The following PIGW variants were observed in gnomAD, a reference collection of about 807,000 sequenced individuals.
The protein encoded by PIGW is phosphatidylinositol glycan anchor biosynthesis class W, also known as glucosaminyl-phosphatidylinositol-acyltransferase PIGW.
Under a neutral mutation model 34.0 loss-of-function variants are expected in PIGW, and 23 were observed. That is an observed-to-expected ratio of 0.68 (90% CI 0.49 to 0.96). PIGW has a LOEUF of 0.96. Among genes scored for constraint, PIGW ranks in the 40% least tolerant of loss-of-function variants. PIGW has a pLI of 0.00. For synonymous variants in PIGW, 225 were observed against 225.2 expected (o/e 1.00, Z 0.01); for missense variants, 574 against 586.3 (o/e 0.98, Z 0.22).
In PIGW at chr17:36,537,595, G is replaced by A; in HGVS notation, c.494G>A (p.Gly165Glu). 1 of 1,614,116 alleles carries A rather than the reference G, an allele frequency of 6.2e-7. No individual in the cohort carries two copies. Among genetic ancestry groups the A allele is most frequent in the Non-Finnish European group, 8.5e-7 (1 of 1,180,038 alleles). The change falls in exon 2 of 2, where the codon GGA (glycine) becomes GAA (glutamate). Residue 165 changes from glycine (G) to glutamate (E), a missense_variant. Transcript: ENST00000614443. ...GCCAAAACTGAGCTCTATGGGACAG[G>A]AGCAATGGATTTTGGAGTAGGTGGC... The part of the protein sequence containing the change: ...RFAKTELYGT[G>E]AMDFGVGGFV...
At position 36,538,811 on chromosome 17, in the gene PIGW, T is replaced by A; in HGVS notation, c.*195T>A. ...CTCTGTTACCCAGGCTGGAGTGTAG[T>A]GGTGCCATCTCAGCTCACTGCAACC... On this transcript the variant is annotated 3_prime_UTR_variant, in exon 2 of 2. Transcript: ENST00000614443. 1 of 535,772 alleles carries A rather than the reference T, an allele frequency of 1.9e-6. No individual in the cohort carries two copies. The allele number at this position is 535,772 out of a possible 1,614,324, so 33.2% of individuals were successfully genotyped here.
In PIGW at chr17:36,538,007, C is replaced by T. The variant is rs201897072; in HGVS notation, c.906C>T (p.Asn302=). Residue 302 remains asparagine (N), a synonymous_variant, in exon 2 of 2, where the codon AAC becomes AAT. Coordinates refer to ENST00000614443, the MANE Select transcript of PIGW (RefSeq NM_001346754.2). ...CACGGGTTGGTCTATTAAATGCCAA[C>T]CGCGAAGGAATAATCTCTACCCTGG... ...SGTRVGLLNA[N]REGIISTLGY... The T allele has an allele frequency of 4.1e-5, 66 of 1,613,996 alleles. No individual in the cohort carries two copies. In the East Asian group the frequency reaches 1.4e-3, roughly 34 times the overall value.
In PIGW at chr17:36,535,546, G is replaced by C. The variant is rs1313902132; in HGVS notation, c.-55G>C. ...TGGCGGGTGCAGCGGCAGTCCGGCTGCCCTTCCCACGTAGACCGTCTGCTG... is the reference window on the plus strand; with the variant it reads ...TGGCGGGTGCAGCGGCAGTCCGGCTCCCCTTCCCACGTAGACCGTCTGCTG... On this transcript the variant is annotated 5_prime_UTR_variant, in exon 1 of 2. Coordinates refer to ENST00000614443, the MANE Select transcript of PIGW (RefSeq NM_001346754.2). 6.6e-6 allele frequency: 1 copy of C among 152,276 alleles called. No individual in the cohort carries two copies. Among genetic ancestry groups the C allele is most frequent in the Non-Finnish European group, 1.5e-5 (1 of 68,058 alleles). 9.4% of individuals were successfully genotyped at this position (152,276 alleles called of 1,614,324 possible).
chr17:36,537,347 GCTT>G lies in PIGW; in HGVS notation c.249_251del (p.Leu84del). On this transcript the variant is annotated inframe_deletion, in exon 2 of 2. Coordinates refer to ENST00000614443, the MANE Select transcript of PIGW (RefSeq NM_001346754.2). ...TTTGGGCTTCATTTATCCTCCTTGA[GCTT>G]CTCGGTGTAATTATCTTTGGGGCAG... 6.2e-7 allele frequency: 1 copy of G among 1,613,808 alleles called. No individual in the cohort carries two copies. Among genetic ancestry groups the G allele is most frequent in the South Asian group, 1.1e-5 (1 of 91,062 alleles).
rs1248845388 is a variant in PIGW at position 36,537,419 on chromosome 17, A to T, written c.318A>T (p.Arg106Ser). The T allele has an allele frequency of 1.2e-6, 2 of 1,614,096 alleles. No individual in the cohort carries two copies. The highest frequency in any genetic ancestry group is 1.7e-6 in the Non-Finnish European group (2 of 1,180,014). ...QIYRRRTCYA[R>S]LPFLKILEKF... ...ACCGAAGGAGGACCTGCTATGCCAG[A>T]CTGCCTTTCCTAAAAATCCTTGAAA... Residue 106 changes from arginine to serine, a missense_variant, in exon 2 of 2, where the codon AGA becomes AGT. By Grantham distance (110) the Arg-to-Ser change is moderately radical (BLOSUM62 -1). Coordinates refer to ENST00000614443, the MANE Select transcript of PIGW (RefSeq NM_001346754.2).
At position 36,538,055 on chromosome 17, in the gene PIGW, T is replaced by C; in HGVS notation, c.954T>C (p.Ala318=). 6.2e-7 allele frequency: 1 copy of C among 1,614,152 alleles called. No individual in the cohort carries two copies. Among genetic ancestry groups the C allele is most frequent in the East Asian group, 2.2e-5 (1 of 44,884 alleles). Residue 318 remains alanine, a synonymous_variant, in exon 2 of 2, where the codon GCT becomes GCC. Coordinates refer to ENST00000614443, the MANE Select transcript of PIGW (RefSeq NM_001346754.2). ...TGGGGTATGTGGCAATACACATGGC[T>C]GGTGTGCAAACAGGGTTATATATGC... is the stretch of plus-strand genomic sequence containing the variant. ...STLGYVAIHM[A]GVQTGLYMHK... is the part of the protein sequence containing the mutation.
chr17:36,538,845 C>T lies in PIGW; in HGVS notation c.*229C>T. On this transcript the variant is annotated 3_prime_UTR_variant, in exon 2 of 2. Coordinates refer to ENST00000614443, the MANE Select transcript of PIGW (RefSeq NM_001346754.2). ...CTCAGCTCACTGCAACCTCCACCTC[C>T]CGGGTTCAAGCAATTCTCCTGCCTC... 1 of 418,262 alleles carries T rather than the reference C, an allele frequency of 2.4e-6. No individual in the cohort carries two copies. Among genetic ancestry groups the T allele is most frequent in the Non-Finnish European group, 4.4e-6 (1 of 228,690 alleles). The allele number at this position is 418,262 out of a possible 1,614,324, so 25.9% of individuals were successfully genotyped here.
intron 1 of PIGW, 64 bp from the exon 2 acceptor site, chr17:36,537,030 G>C: frequency 7.2e-7 from 1 of 1,384,088 alleles, no homozygotes; most frequent in East Asian, 2.3e-5. Context: ...AATTAAGCCA[G>C]GTATGCTAAT....
chr17:36,537,021 A>G, intron 1 of PIGW, 73 bp from the exon 2 acceptor site: 4 of 1,340,004 alleles, frequency 3.0e-6, no homozygotes. Flanking sequence ...TAAGAGTAAA[A>G]TTAAGCCAGG....
Position 36,537,584 on chromosome 17 carries a change from C to T in PIGW, c.483C>T (p.Leu161=). ...LFPRRFAKTE[L]YGTGAMDFGV... is the part of the protein sequence containing the mutation. ...CCAGAAGATTTGCCAAAACTGAGCT[C>T]TATGGGACAGGAGCAATGGATTTTG... is the stretch of plus-strand genomic sequence containing the variant. Residue 161 remains leucine, a synonymous_variant, in exon 2 of 2, where the codon CTC becomes CTT. Coordinates refer to ENST00000614443, the MANE Select transcript of PIGW (RefSeq NM_001346754.2). 6.2e-7 allele frequency: 1 copy of T among 1,613,996 alleles called. No individual in the cohort carries two copies. The highest frequency in any genetic ancestry group is 8.5e-7 in the Non-Finnish European group (1 of 1,180,032).
Position 36,537,458 on chromosome 17 carries a change from C to T in PIGW, c.357C>T (p.Ile119=). ...FLKILEKFLN[I]SLESEYNPAI... is the part of the protein sequence containing the mutation. Reference sequence around the variant, plus strand: ...AAATCCTTGAAAAATTCTTGAACATCAGTCTAGAATCAGAATACAATCCAG... The same window carrying T: ...AAATCCTTGAAAAATTCTTGAACATTAGTCTAGAATCAGAATACAATCCAG... The change falls in exon 2 of 2, where the codon ATC becomes ATT. Residue 119 remains isoleucine, a synonymous_variant. Transcript: ENST00000614443. The T allele has an allele frequency of 6.2e-7, 1 of 1,614,150 alleles. No individual in the cohort carries two copies. The highest frequency in any genetic ancestry group is 2.2e-5 in the East Asian group (1 of 44,892).
intron 1 of PIGW, among the ~76,000 whole-genome samples, chr17:36,536,151 C>G (rs190362311): frequency 6.6e-6 from 1 of 152,320 alleles, no homozygotes; most frequent in Non-Finnish European, 1.5e-5. Flanking sequence ...GCAACTAACA[C>G]TAGTATGTGC....
At position 36,537,877 on chromosome 17, in the gene PIGW, A is replaced by G. The variant is rs768798408; in HGVS notation, c.776A>G (p.Asn259Ser). 5 of 1,613,986 alleles carry G rather than the reference A, an allele frequency of 3.1e-6. No individual in the cohort carries two copies. The African/African-American group carries it at 4.0e-5, about 13-fold the overall frequency. The change falls in exon 2 of 2, where the codon AAT becomes AGT. Residue 259 changes from asparagine to serine, a missense_variant. Transcript: ENST00000614443. ...TPLLLIIFPL[N>S]KSWIIALGIT... ...CTGCTGTTGATTATTTTTCCCCTAA[A>G]TAAGTCCTGGATTATTGCCCTCGGC... is the stretch of plus-strand genomic sequence containing the variant.
Position 36,537,492 on chromosome 17 carries a change from TGTTTCC to T in PIGW, c.394_399del (p.Phe132_Arg133del). On this transcript the variant is annotated inframe_deletion, in exon 2 of 2. Transcript: ENST00000614443. ...ATCAGAATACAATCCAGCCATCTCC[TGTTTCC>T]GTGTAATTACCAGTGCGTTTACTGC... 1 of 1,614,218 alleles carries T rather than the reference TGTTTCC, an allele frequency of 6.2e-7. No homozygotes were observed. The highest frequency in any genetic ancestry group is 8.5e-7 in the Non-Finnish European group (1 of 1,180,036).
rs2074168765 is a variant in PIGW at position 36,538,133 on chromosome 17, A to G, written c.1032A>G (p.Leu344=). 1 of 1,614,090 alleles carries G rather than the reference A, an allele frequency of 6.2e-7. No individual in the cohort carries two copies. The highest frequency in any genetic ancestry group is 1.3e-5 in the African/African-American group (1 of 74,952). The change falls in exon 2 of 2, where the codon TTA becomes TTG. Residue 344 remains leucine (L), a synonymous_variant. Coordinates refer to ENST00000614443, the MANE Select transcript of PIGW (RefSeq NM_001346754.2). The part of the protein sequence containing the change: ...KDLIKVACFL[L]LAAISLFISL... ...TGATAAAAGTAGCCTGTTTTCTTTT[A>G]CTGGCAGCTATTAGCCTCTTCATAT...
In PIGW at chr17:36,538,734, C is replaced by T. The variant is rs2074177852; in HGVS notation, c.*118C>T. 1 of 864,512 alleles carries T rather than the reference C, an allele frequency of 1.2e-6. No homozygotes were observed. Among genetic ancestry groups the T allele is most frequent in the Non-Finnish European group, 1.8e-6 (1 of 570,284 alleles). The allele number at this position is 864,512 out of a possible 1,614,324, so 53.6% of individuals were successfully genotyped here. ...TATTTTATTATAAAATAGTTTCAGTCATCTAAACAGCAGTGATGCTTAATT... is the reference window on the plus strand; with the variant it reads ...TATTTTATTATAAAATAGTTTCAGTTATCTAAACAGCAGTGATGCTTAATT... On this transcript the variant is annotated 3_prime_UTR_variant, in exon 2 of 2. Coordinates refer to ENST00000614443, the MANE Select transcript of PIGW (RefSeq NM_001346754.2).
rs572374685 is a variant in PIGW at position 36,535,920 on chromosome 17, T to C, written c.-9+328T>C. 6.6e-5 allele frequency among the ~76,000 whole-genome samples: 10 copies of C among 152,318 alleles called. No individual in the cohort carries two copies. In the South Asian group the frequency reaches 2.1e-3, roughly 32 times the overall value. ...GAACCACTTCTCTCGGCTAGGACTT[T>C]TATTTTTAATGGTCAACTGATTTGA... On this transcript the variant is annotated intron_variant, in intron 1 of 1. Coordinates refer to ENST00000614443, the MANE Select transcript of PIGW (RefSeq NM_001346754.2).
At chr17:36,536,287 C>A (rs1237638772) in intron 1 of PIGW, among the ~76,000 whole-genome samples, 2 of 152,138 alleles carry the variant, frequency 1.3e-5, no homozygotes, top group Admixed American at 6.5e-5. Flanking sequence ...ACGTTTTGTA[C>A]CAAGGCAGTA....
chr17:36,538,105 A>G lies in PIGW; in HGVS notation c.1004A>G (p.Asp335Gly). The G allele has an allele frequency of 6.2e-7, 1 of 1,614,208 alleles. No individual in the cohort carries two copies. The highest frequency in any genetic ancestry group is 8.5e-7 in the Non-Finnish European group (1 of 1,180,036). The change falls in exon 2 of 2, where the codon GAC becomes GGC. Residue 335 changes from aspartate (D) to glycine (G), a missense_variant. Asp to Gly is a moderately conservative substitution (Grantham distance 94). Coordinates refer to ENST00000614443, the MANE Select transcript of PIGW (RefSeq NM_001346754.2). ...CATAAGAACCGATCACATATCAAAG[A>G]CTTGATAAAAGTAGCCTGTTTTCTT... Reference protein sequence around the residue: ...YMHKNRSHIKDLIKVACFLLL... With the variant: ...YMHKNRSHIKGLIKVACFLLL...
Sources: allele counts gnomAD v4.1 joint callset (sites outside exome capture counted in the v4.1 genomes callset), GRCh38; gene constraint gnomAD v4.1.1; transcripts MANE v1.5; gene names NCBI Gene and HGNC (gene_info 2026-07-23, HGNC 2026-07-21).